BCAS3: variants seen among roughly 807,000 people sequenced by gnomAD.
BCAS3 encodes the protein BCAS4/BCAS3 fusion.
In BCAS3, 53 loss-of-function variants were observed where a neutral mutation model predicts 116.1. The ratio of observed to expected loss-of-function variants is 0.46; its 90% CI spans 0.37 to 0.57. BCAS3 has a LOEUF of 0.57. Ranked by LOEUF, BCAS3 falls within the 20% of genes least tolerant of loss-of-function variation. BCAS3 has a pLI of 0.00. For missense variants in BCAS3, 917 were observed against 1,165.4 expected (o/e 0.79, Z 3.10); for synonymous variants, 391 against 408.2 (o/e 0.96, Z 0.51).
At chr17:60,688,495 G>A (rs1205798404) in intron 3 of BCAS3, among the ~76,000 whole-genome samples, 6 of 151,922 alleles carry the variant, frequency 3.9e-5, no homozygotes, top group Admixed American at 6.6e-5. Flanking sequence ...GTTTCTCCAT[G>A]TTGCCCAAGC....
chr17:60,702,218 A>G (rs2036517472), intron 4 of BCAS3, among the ~76,000 whole-genome samples: 1 of 152,222 alleles, frequency 6.6e-6, no homozygotes, highest in Non-Finnish European at 1.5e-5. Flanking sequence ...TACTGTAATA[A>G]TTTTGTAGTG....
chr17:60,703,724 C>G (rs531056289), intron 4 of BCAS3, among the ~76,000 whole-genome samples: 83 of 151,128 alleles, frequency 5.5e-4, no homozygotes, highest in Non-Finnish European at 1.0e-3. Flanking sequence ...ACCATCCTGG[C>G]TAACATGGTG....
chr17:61,076,003 C>T (rs372546610), intron 20 of BCAS3, among the ~76,000 whole-genome samples: 29 of 152,182 alleles, frequency 1.9e-4, no homozygotes, highest in East Asian at 1.2e-3. Flanking sequence ...AAGCAATCCT[C>T]CTGTGTTGGC....
chr17:61,378,739 A>G lies in BCAS3; in HGVS notation c.2593+10245A>G, dbSNP rs1230028040. The G allele has an allele frequency of 6.6e-6, 1 of 152,246 alleles. No individual in the cohort carries two copies. The highest frequency in any genetic ancestry group is 2.4e-5 in the African/African-American group (1 of 41,462). The allele number at this position is 152,246 out of a possible 1,614,324, so 9.4% of individuals were successfully genotyped here. A position where few individuals can be genotyped will look rare whatever the true frequency, so the allele number is the denominator to read the frequency against. On this transcript the variant is annotated intron_variant, in intron 23 of 23. Transcript: ENST00000407086. The surrounding 1 kb of genome is among the most constrained non-coding windows in gnomAD (Gnocchi z 5.8). ...GAGGTAAATGAAAGCCAGTCAAAGC[A>G]ATGGGAATAGTTATTGATTAAAAGT... is the stretch of plus-strand genomic sequence containing the variant.
intron 15 of BCAS3, among the ~76,000 whole-genome samples, chr17:61,014,106 G>C (rs2065283034): frequency 6.6e-6 from 1 of 152,050 alleles, no homozygotes; most frequent in Non-Finnish European, 1.5e-5. Flanking sequence ...TGTGTTTACT[G>C]TGGTTATTTA....
chr17:60,819,285 A>T (rs1328318800), intron 7 of BCAS3, among the ~76,000 whole-genome samples: 1 of 152,196 alleles, frequency 6.6e-6, no homozygotes, highest in Admixed American at 6.5e-5. Context: ...TTTAAAACAC[A>T]TGCTGAACAA....
chr17:61,046,692 G>C (rs2068387172), intron 19 of BCAS3, among the ~76,000 whole-genome samples: 1 of 151,560 alleles, frequency 6.6e-6, no homozygotes, highest in African/African-American at 2.4e-5. Flanking sequence ...GTGGTTGGTT[G>C]AACCCATAGA....
rs1273818709 is a variant in BCAS3, at chr17:61,239,689, G to A, written c.2426-128638G>A. On this transcript the variant is annotated intron_variant, in intron 22 of 23. Transcript: ENST00000407086. The surrounding 1 kb of genome is among the most constrained non-coding windows in gnomAD (Gnocchi z 4.2). Reference sequence around the variant, plus strand: ...AAAAGTATTAAAGTTGGCTTTCAGAGATTAGTTTTTTCCTACTTAAAATTA... The same window carrying A: ...AAAAGTATTAAAGTTGGCTTTCAGAAATTAGTTTTTTCCTACTTAAAATTA... Among the ~76,000 whole-genome samples the A allele has an allele frequency of 1.3e-5, 2 of 152,172 alleles. No individual in the cohort carries two copies. The highest frequency in any genetic ancestry group is 6.5e-5 in the Admixed American group (1 of 15,276).
chr17:61,204,396 T>G lies in BCAS3; in HGVS notation c.2425+119832T>G, dbSNP rs2081010623. ...CCTTTACATTTAGTTCACTATTTTT[T>G]GAAAATAATATTCTATGTTTGGATT... On this transcript the variant is annotated intron_variant, in intron 22 of 23. Coordinates refer to ENST00000407086, the MANE Select transcript of BCAS3 (RefSeq NM_017679.5). The surrounding 1 kb of genome is among the most constrained non-coding windows in gnomAD (Gnocchi z 4.2). 6.6e-6 allele frequency among the ~76,000 whole-genome samples: 1 copy of G among 152,218 alleles called. No homozygotes were observed. Among genetic ancestry groups the G allele is most frequent in the African/African-American group, 2.4e-5 (1 of 41,454 alleles).
chr17:60,734,936 T>C (rs1441882588), intron 5 of BCAS3, among the ~76,000 whole-genome samples: 5 of 152,240 alleles, frequency 3.3e-5, no homozygotes, highest in Non-Finnish European at 7.3e-5. Context: ...CTTGACAATA[T>C]TGAGTCTTCC....
At chr17:61,165,793 G>A (rs547844158) in intron 22 of BCAS3, among the ~76,000 whole-genome samples, 1 of 152,228 alleles carries the variant, frequency 6.6e-6, no homozygotes, top group Non-Finnish European at 1.5e-5. Flanking sequence ...TTTTTAAAAA[G>A]TTATAATTTC....
chr17:61,071,086 C>G (rs1375796408), intron 19 of BCAS3, among the ~76,000 whole-genome samples: 1 of 152,122 alleles, frequency 6.6e-6, no homozygotes, highest in Non-Finnish European at 1.5e-5. Context: ...CCTGGCTCTT[C>G]TGCTATAATG....
intron 16 of BCAS3, among the ~76,000 whole-genome samples, chr17:61,033,984 G>C (rs1020196471): frequency 2.0e-5 from 3 of 152,168 alleles, no homozygotes; most frequent in Non-Finnish European, 4.4e-5. Context: ...CTATTGATAT[G>C]TAATTCCACC....
rs1472947625 is a variant in BCAS3, at chr17:61,258,410, GA to G, written c.2426-109916del. On this transcript the variant is annotated intron_variant, in intron 22 of 23. Coordinates refer to ENST00000407086, the MANE Select transcript of BCAS3 (RefSeq NM_017679.5). The surrounding 1 kb of genome is among the most constrained non-coding windows in gnomAD (Gnocchi z 4.7). The stretch of plus-strand genomic sequence containing the variant: ...ATGATCAAAAGAACACAGGTTTTTA[GA>G]GGCAGGTTTATCTAGGTTTGAGTTG... 6.6e-6 allele frequency among the ~76,000 whole-genome samples: 1 copy of G among 152,214 alleles called. No individual in the cohort carries two copies. Among genetic ancestry groups the G allele is most frequent in the Non-Finnish European group, 1.5e-5 (1 of 68,038 alleles).
chr17:61,076,525 GT>G (rs1452184615), intron 20 of BCAS3, among the ~76,000 whole-genome samples: 2 of 152,180 alleles, frequency 1.3e-5, no homozygotes, highest in Admixed American at 1.3e-4. Context: ...CCAAATGTGT[GT>G]TTTTTCCAAA....
At chr17:60,814,305 G>GCA (rs1555731411) in intron 7 of BCAS3, among the ~76,000 whole-genome samples, 1 of 133,134 alleles carries the variant, frequency 7.5e-6, no homozygotes, top group African/African-American at 3.4e-5. Flanking sequence ...GTGTGTGTGT[G>GCA]TGCGCGCGTG....
At chr17:61,067,919 T>C (rs1028199103) in intron 19 of BCAS3, among the ~76,000 whole-genome samples, 6 of 152,058 alleles carry the variant, frequency 3.9e-5, no homozygotes, top group African/African-American at 1.4e-4. Context: ...CATCCTGCCT[T>C]TGCTCGTTGA....
At chr17:60,781,631 G>C (rs8077512) in intron 6 of BCAS3, among the ~76,000 whole-genome samples, 1 of 151,606 alleles carries the variant, frequency 6.6e-6, no homozygotes, top group African/African-American at 2.4e-5. Flanking sequence ...CTTCATCCTA[G>C]ACTGCCTTAT....
chr17:60,887,878 A>G (rs926366464), intron 9 of BCAS3, among the ~76,000 whole-genome samples: 1 of 152,182 alleles, frequency 6.6e-6, no homozygotes, highest in African/African-American at 2.4e-5. Flanking sequence ...AGTAATGGAC[A>G]AATATAGTGT....
Sources: allele counts gnomAD v4.1 joint callset (sites outside exome capture counted in the v4.1 genomes callset), GRCh38; gene constraint gnomAD v4.1.1; non-coding constraint Gnocchi (gnomAD v3.1); transcripts MANE v1.5; gene names NCBI Gene and HGNC (gene_info 2026-07-23, HGNC 2026-07-21).